Variants in SGK1 observed in about 807,000 individuals in gnomAD.
SGK1 encodes serum/glucocorticoid regulated kinase 1.
A neutral mutation model predicts 64.2 loss-of-function variants in SGK1; 26 were observed. That is an observed-to-expected ratio of 0.40 (90% CI 0.30 to 0.56). SGK1 has a LOEUF of 0.56. Ranked by LOEUF, SGK1 falls within the 20% of genes least tolerant of loss-of-function variation. SGK1 has a pLI of 0.38. For synonymous variants in SGK1, 265 were observed against 239.7 expected, an observed-to-expected ratio of 1.11 and a Z score of -0.98; for missense variants, 519 against 645.6, an observed-to-expected ratio of 0.80 and a Z score of 2.12.
rs937084507 is a variant in SGK1, at chr6:134,270,783, T to C, written c.70-8635A>G. On this transcript the variant is annotated intron_variant, in intron 1 of 13. Transcript: ENST00000367858. The stretch of plus-strand genomic sequence containing the variant: ...CAATGCGTCCATGTACCCTATTTAA[T>C]GTTGCTGCTCACAGCAGGCAGCACC... 2.7e-5 allele frequency among the ~76,000 whole-genome samples: 4 copies of C among 148,008 alleles called. 1 individual carries two copies. The highest frequency in any genetic ancestry group is 9.7e-5 in the African/African-American group (4 of 41,130).
At chr6:134,234,809 G>A (rs1776338457) in intron 2 of SGK1, among the ~76,000 whole-genome samples, 1 of 152,208 alleles carries the variant, frequency 6.6e-6, no homozygotes, top group South Asian at 2.1e-4. Context: ...CTGGGAGGTG[G>A]AGGTTGCAGT....
At chr6:134,252,164 A>G (rs553128940) in intron 2 of SGK1, among the ~76,000 whole-genome samples, 22 of 152,132 alleles carry the variant, frequency 1.4e-4, no homozygotes, top group African/African-American at 3.6e-4. Flanking sequence ...CTCTTTCCAC[A>G]CTCTAAATCC....
At chr6:134,293,893 T>G (rs962574597) in intron 1 of SGK1, among the ~76,000 whole-genome samples, 4 of 152,178 alleles carry the variant, frequency 2.6e-5, no homozygotes, top group Admixed American at 6.5e-5. Flanking sequence ...TGACATCCCA[T>G]TATTCCTCTT....
chr6:134,300,879 C>G (rs1038502245), intron 1 of SGK1, among the ~76,000 whole-genome samples: 1 of 151,932 alleles, frequency 6.6e-6, no homozygotes, highest in African/African-American at 2.4e-5. Context: ...GGTGATCTAC[C>G]CGCCTCGGCC....
intron 3 of SGK1, chr6:134,175,558 A>T: frequency 6.4e-7 from 1 of 1,551,574 alleles, no homozygotes; most frequent in Non-Finnish European, 8.7e-7. Context: ...TCCGCTCAGC[A>T]GGAAGGACTC....
At chr6:134,205,790 G>A (rs868034564) in intron 3 of SGK1, among the ~76,000 whole-genome samples, 3 of 152,176 alleles carry the variant, frequency 2.0e-5, no homozygotes, top group African/African-American at 2.4e-5. Context: ...TTGTAAAAGC[G>A]TGAGGCATAA....
At position 134,174,073 on chromosome 6, in the gene SGK1, C is replaced by T. The variant is rs1348425907; in HGVS notation, c.445G>A (p.Val149Ile). ...TGGGAGATCTTCAAGATGGACTGAA[C>T]TTCAGGGCTGCAGGGAATAAAGGGC... ...NNSYACKHPE[V>I]QSILKISQPQ... is the part of the protein sequence containing the mutation. Residue 149 changes from valine (V) to isoleucine (I), a missense_variant, in exon 5 of 14, where the codon GTT becomes ATT. Around this residue, in one of 2 missense-constraint regions of SGK1, gnomAD observed 241 missense variants for 236.9 expected, o/e 1.02. Coordinates refer to ENST00000367858, the MANE Select transcript of SGK1 (RefSeq NM_001143676.3). 3 of 1,613,128 alleles carry T rather than the reference C, an allele frequency of 1.9e-6. No homozygotes were observed. The East Asian group carries it at 6.7e-5, about 36-fold the overall frequency.
intron 1 of SGK1, among the ~76,000 whole-genome samples, chr6:134,291,253 G>T (rs768972081): frequency 2.0e-5 from 3 of 152,126 alleles, no homozygotes; most frequent in Non-Finnish European, 2.9e-5. Flanking sequence ...GTAGCAGAGC[G>T]GTGGATGTAG....
rs533398561 is a variant in SGK1, at chr6:134,200,961, T to C, written c.361+6395A>G. Among the ~76,000 whole-genome samples, 49 of 152,146 alleles carry C rather than the reference T, an allele frequency of 3.2e-4. 1 individual carries two copies. Among genetic ancestry groups the C allele is most frequent in the African/African-American group, 1.2e-3 (48 of 41,526 alleles). ...ATTAAATAAATAAAATACTCTCTGA[T>C]GATGACTGATTTTGAATGAAAATAC... On this transcript the variant is annotated intron_variant, in intron 3 of 13. Coordinates refer to ENST00000367858, the MANE Select transcript of SGK1 (RefSeq NM_001143676.3).
rs577499411 is a variant in SGK1, at chr6:134,170,060, G to T, written c.*208C>A. On this transcript the variant is annotated 3_prime_UTR_variant, in exon 14 of 14. Coordinates refer to ENST00000367858, the MANE Select transcript of SGK1 (RefSeq NM_001143676.3). Reference sequence around the variant, plus strand: ...AGAGATAGCACCACGTTGGAAGGAAGAATAAAAATGAAAACCTCATGAGCT... The same window carrying T: ...AGAGATAGCACCACGTTGGAAGGAATAATAAAAATGAAAACCTCATGAGCT... 10 of 399,012 alleles carry T rather than the reference G, an allele frequency of 2.5e-5. No homozygotes were observed. The highest frequency in any genetic ancestry group is 2.0e-4 in the African/African-American group (10 of 50,404). The allele number at this position is 399,012 out of a possible 1,614,324, so 24.7% of individuals were successfully genotyped here.
chr6:134,176,001 T>G, intron 3 of SGK1: 1 of 1,052,952 alleles, frequency 9.5e-7, no homozygotes, highest in Non-Finnish European at 1.1e-6. Context: ...CATTTCACTT[T>G]TTTTTTTCTG....
At chr6:134,270,751 G>A (rs530970777) in intron 1 of SGK1, among the ~76,000 whole-genome samples, 2 of 148,152 alleles carry the variant, frequency 1.3e-5, no homozygotes, top group East Asian at 2.4e-4. Context: ...GTGGGAAAAC[G>A]GAGACGCAAT....
intron 2 of SGK1, among the ~76,000 whole-genome samples, chr6:134,227,061 A>G (rs1582726762): frequency 6.6e-6 from 1 of 152,108 alleles, no homozygotes; most frequent in East Asian, 1.9e-4. Context: ...CCTCCTGCCC[A>G]GCTTAGTGGT....
At chr6:134,171,381 G>A in intron 11 of SGK1, 2 of 620,388 alleles carry the variant, frequency 3.2e-6, no homozygotes, top group South Asian at 2.0e-5. Context: ...TGTGGAGGGT[G>A]AGGGGGTAGA....
chr6:134,277,416 A>C (rs1777033631), intron 1 of SGK1, among the ~76,000 whole-genome samples: 1 of 152,206 alleles, frequency 6.6e-6, no homozygotes, highest in South Asian at 2.1e-4. Context: ...TAACATTTTT[A>C]AATTTTATTT....
At chr6:134,231,060 A>G (rs967655292) in intron 2 of SGK1, among the ~76,000 whole-genome samples, 4 of 152,162 alleles carry the variant, frequency 2.6e-5, no homozygotes, top group African/African-American at 9.7e-5. Flanking sequence ...GTAGTGGTAC[A>G]CGCCTGTGGT....
intron 2 of SGK1, among the ~76,000 whole-genome samples, chr6:134,242,932 G>A (rs901119637): frequency 3.3e-5 from 5 of 151,708 alleles, no homozygotes; most frequent in African/African-American, 1.2e-4. Context: ...TTAAAATGTT[G>A]TCAATACTTT....
rs1776967297 is a variant in SGK1 at position 134,273,273 on chromosome 6, C to T, written c.70-11125G>A. On this transcript the variant is annotated intron_variant, in intron 1 of 13. Transcript: ENST00000367858. ...GAGAAAAGATGGAGGGTACTTGGTC[C>T]AGTCAGGAAAAATCAGGGAAGGCTT... Among the ~76,000 whole-genome samples, 3 of 146,882 alleles carry T rather than the reference C, an allele frequency of 2.0e-5. No individual in the cohort carries two copies. In the Admixed American group the frequency reaches 2.1e-4, roughly 10 times the overall value.
At chr6:134,250,132 A>C (rs1776585413) in intron 2 of SGK1, among the ~76,000 whole-genome samples, 1 of 152,216 alleles carries the variant, frequency 6.6e-6, no homozygotes. Context: ...GGAAATACTC[A>C]CTAGAGTAAA....
Sources: gnomAD v4.1 joint callset for allele counts (sites outside exome capture counted in the v4.1 genomes callset) on GRCh38, gnomAD v4.1.1 for gene constraint, gnomAD v4.1.1 regional missense constraint, MANE v1.5 for transcripts, NCBI Gene and HGNC (gene_info 2026-07-23, HGNC 2026-07-21) for gene names.